The following ZFAND1 variants were observed in gnomAD, a reference collection of about 807,000 sequenced individuals.
The protein encoded by ZFAND1 is AN1-type zinc finger protein 1.
Under a neutral mutation model 38.5 loss-of-function variants are expected in ZFAND1, and 40 were observed. The ratio of observed to expected loss-of-function variants is 1.04; its 90% CI spans 0.81 to 1.35. ZFAND1 has a LOEUF of 1.35. Among genes scored for constraint, ZFAND1 ranks in the 40% most tolerant of loss-of-function variants. The pLI, the probability that ZFAND1 is intolerant of heterozygous loss-of-function variation, is 0.00. For missense variants in ZFAND1, 346 were observed against 316.3 expected (o/e 1.09, Z -0.71); for synonymous variants, 117 against 103.6 (o/e 1.13, Z -0.78).
intron 6 of ZFAND1, among the ~76,000 whole-genome samples, chr8:81,707,104 GC>G (rs921400563): frequency 1.3e-5 from 2 of 152,188 alleles, no homozygotes; most frequent in African/African-American, 4.8e-5. Context: ...TCTGAGTCAG[GC>G]CAAAAGCCTA....
chr8:81,701,644 G>A lies in ZFAND1; in HGVS notation c.*1051C>T, dbSNP rs1456576030. On this transcript the variant is annotated 3_prime_UTR_variant, in exon 8 of 8. Coordinates refer to ENST00000220669, the MANE Select transcript of ZFAND1 (RefSeq NM_024699.3). Reference sequence around the variant, plus strand: ...ACTATGCTAATGAATGAAAGTACAAGAACATAATAAAAGTTGGAAATTATC... The same window carrying A: ...ACTATGCTAATGAATGAAAGTACAAAAACATAATAAAAGTTGGAAATTATC... 2.0e-5 allele frequency: 3 copies of A among 151,998 alleles called. No homozygotes were observed. Among genetic ancestry groups the A allele is most frequent in the African/African-American group, 7.2e-5 (3 of 41,388 alleles). 9.4% of individuals were successfully genotyped at this position (151,998 alleles called of 1,614,324 possible).
rs1808218674 is a variant in ZFAND1, at chr8:81,713,919, T to C, written c.479A>G (p.Gln160Arg). 1 of 1,612,912 alleles carries C rather than the reference T, an allele frequency of 6.2e-7. No individual in the cohort carries two copies. Among genetic ancestry groups the C allele is most frequent in the South Asian group, 1.1e-5 (1 of 90,688 alleles). The change falls in exon 6 of 8, where the codon CAG becomes CGG. Residue 160 changes from glutamine (Q) to arginine (R), a missense_variant and splice_region_variant. Transcript: ENST00000220669. ...MHADGDKSLP[Q>R]TERIYFQVFL... ...TTTTAAAAAATCTCTAAGACCAACC[T>C]GTGGTAATGACTTATCGCCATCAGC...
chr8:81,703,643 G>A (rs1404357612), intron 6 of ZFAND1, among the ~76,000 whole-genome samples: 2 of 152,062 alleles, frequency 1.3e-5, no homozygotes, highest in African/African-American at 4.8e-5. Context: ...GGCTGGTCTT[G>A]AACTCCTGAC....
At chr8:81,714,591 G>A in intron 5 of ZFAND1, 1 of 505,984 alleles carries the variant, frequency 2.0e-6, no homozygotes, top group East Asian at 3.6e-5. Context: ...AAAGAGATAA[G>A]TACTTACAGT....
At chr8:81,705,995 C>G (rs1318476734) in intron 6 of ZFAND1, among the ~76,000 whole-genome samples, 1 of 152,066 alleles carries the variant, frequency 6.6e-6, no homozygotes, top group Non-Finnish European at 1.5e-5. Flanking sequence ...GGTGAAGTAG[C>G]ACTATTTAGA....
intron 1 of ZFAND1, among the ~76,000 whole-genome samples, chr8:81,720,096 C>T (rs760139704): frequency 3.3e-5 from 5 of 152,198 alleles, no homozygotes; most frequent in Non-Finnish European, 7.3e-5. Context: ...TCTCAAGAGT[C>T]TTTGACACGG....
chr8:81,714,971 CT>C lies in ZFAND1; in HGVS notation c.266+15del, dbSNP rs1475969938. The C allele has an allele frequency of 8.7e-6, 14 of 1,613,892 alleles. No homozygotes were observed. In the African/African-American group the frequency reaches 1.9e-4, roughly 22 times the overall value. On this transcript the variant is annotated intron_variant, in intron 4 of 7. Transcript: ENST00000220669. ...AACAGATATACAAAGTGTGAACAGCCTAAGTGATCAATCACCTCAGGCAAAA... is the reference window on the plus strand; with the variant it reads ...AACAGATATACAAAGTGTGAACAGCCAAGTGATCAATCACCTCAGGCAAAA...
At chr8:81,707,126 T>G (rs987016418) in intron 6 of ZFAND1, among the ~76,000 whole-genome samples, 1 of 152,234 alleles carries the variant, frequency 6.6e-6, no homozygotes, top group African/African-American at 2.4e-5. Context: ...GACTTGCTAG[T>G]AGATACTGCT....
chr8:81,708,085 C>A (rs188498711), intron 6 of ZFAND1, among the ~76,000 whole-genome samples: 2 of 151,922 alleles, frequency 1.3e-5, no homozygotes, highest in East Asian at 3.9e-4. Flanking sequence ...CCTGTCTTTA[C>A]TAAAAATACA....
intron 6 of ZFAND1, among the ~76,000 whole-genome samples, chr8:81,706,668 A>T (rs1563604119): frequency 6.6e-6 from 1 of 152,044 alleles, no homozygotes; most frequent in Admixed American, 6.5e-5. Flanking sequence ...AATGAGTATA[A>T]TTATTTAAAA....
At chr8:81,715,969 T>C (rs1478203661) in intron 3 of ZFAND1, among the ~76,000 whole-genome samples, 1 of 152,246 alleles carries the variant, frequency 6.6e-6, no homozygotes, top group African/African-American at 2.4e-5. Context: ...GTAAGTTTTA[T>C]TGTATGACTG....
chr8:81,711,152 G>T (rs1585924556), intron 6 of ZFAND1, among the ~76,000 whole-genome samples: 2 of 152,112 alleles, frequency 1.3e-5, no homozygotes, highest in South Asian at 4.1e-4. Flanking sequence ...GGTGGCTCAC[G>T]CCTGTAATCC....
chr8:81,713,814 C>T, intron 6 of ZFAND1, 104 bp downstream of exon 6: 2 of 1,140,164 alleles, frequency 1.8e-6, no homozygotes, highest in Non-Finnish European at 1.3e-6. Context: ...AAGAATGATA[C>T]ATACCAGGTT....
intron 6 of ZFAND1, 30 bp from the exon 7 acceptor site, chr8:81,703,154 T>G (rs1347176708): frequency 1.4e-6 from 2 of 1,443,188 alleles, no homozygotes; most frequent in African/African-American, 2.9e-5. Context: ...AAACAACCAT[T>G]ACATAGACAA....
intron 3 of ZFAND1, among the ~76,000 whole-genome samples, chr8:81,716,191 G>A (rs1808305908): frequency 6.6e-6 from 1 of 152,178 alleles, no homozygotes; most frequent in South Asian, 2.1e-4. Flanking sequence ...TTGGTAAATG[G>A]TGGGCAGGAA....
intron 4 of ZFAND1, 35 bp from the exon 5 acceptor site, chr8:81,714,930 G>A (rs1449892976): frequency 6.2e-7 from 1 of 1,613,986 alleles, no homozygotes; most frequent in South Asian, 1.1e-5. Flanking sequence ...TAGTTCATGT[G>A]TTTGTATAGC....
At chr8:81,720,824 C>T in intron 1 of ZFAND1, 1 of 276,798 alleles carries the variant, frequency 3.6e-6, no homozygotes, top group Non-Finnish European at 6.9e-6. Context: ...ACACGGCACA[C>T]TCGAACACCA....
rs868465395 is a variant in ZFAND1 at position 81,721,065 on chromosome 8, C to G, written c.55+162G>C. 25 of 605,090 alleles carry G rather than the reference C, an allele frequency of 4.1e-5. No individual in the cohort carries two copies. The South Asian group carries it at 4.4e-4, about 11-fold the overall frequency. 37.5% of individuals were successfully genotyped at this position (605,090 alleles called of 1,614,324 possible). The stretch of plus-strand genomic sequence containing the variant: ...AGCTCACGGCCAAAAAAAACCCGCA[C>G]CAACCGATCTCACTGCAGCCCCAGA... On this transcript the variant is annotated intron_variant, in intron 1 of 7. Transcript: ENST00000220669.
rs551756115 is a variant in ZFAND1 at position 81,721,196 on chromosome 8, C to G, written c.55+31G>C. On this transcript the variant is annotated intron_variant, in intron 1 of 7. Coordinates refer to ENST00000220669, the MANE Select transcript of ZFAND1 (RefSeq NM_024699.3). ...AAGCGGAGCCCTGGTCTCCCGCGGC[C>G]GGGGATGGGGGCTGGAAGCTCCCGG... 35 of 1,545,762 alleles carry G rather than the reference C, an allele frequency of 2.3e-5. No individual in the cohort carries two copies. In the South Asian group the frequency reaches 3.6e-4, roughly 16 times the overall value.
Sources: gnomAD v4.1 joint callset for allele counts (sites outside exome capture counted in the v4.1 genomes callset) on GRCh38, gnomAD v4.1.1 for gene constraint, MANE v1.5 for transcripts, NCBI Gene and HGNC (gene_info 2026-07-23, HGNC 2026-07-21) for gene names.